ARMC2: variants seen among roughly 807,000 people sequenced by gnomAD.
ARMC2 encodes armadillo repeat-containing protein 2.
Under a neutral mutation model 90.3 loss-of-function variants are expected in ARMC2, and 67 were observed. That is an observed-to-expected ratio of 0.74 (90% CI 0.61 to 0.91). ARMC2 has a LOEUF of 0.91. Ranked by LOEUF, ARMC2 falls within the 40% of genes least tolerant of loss-of-function variation. ARMC2 has a pLI of 0.00. For synonymous variants in ARMC2, 393 were observed against 393.0 expected, an observed-to-expected ratio of 1.00 and a Z score of 0.00; for missense variants, 920 against 1,030.9, an observed-to-expected ratio of 0.89 and a Z score of 1.47.
intron 12 of ARMC2, among the ~76,000 whole-genome samples, chr6:108,948,438 A>G (rs1562419129): frequency 6.6e-6 from 1 of 152,002 alleles, no homozygotes; most frequent in Non-Finnish European, 1.5e-5. Context: ...GGGAGGGGAA[A>G]AAAAGAAAAG....
intron 13 of ARMC2, among the ~76,000 whole-genome samples, chr6:108,955,101 A>G (rs1777475464): frequency 6.6e-6 from 1 of 152,126 alleles, no homozygotes; most frequent in Non-Finnish European, 1.5e-5. Context: ...TTTAACCTTT[A>G]TCACTTCCCC....
At chr6:109,007,039 G>A in the ARMC2 span, among the ~76,000 whole-genome samples, 1 of 152,182 alleles carries the variant, frequency 6.6e-6, no homozygotes, top group Non-Finnish European at 1.5e-5. Flanking sequence ...CTCTGTGAAG[G>A]TGTGGCTGGA....
the ARMC2 span, among the ~76,000 whole-genome samples, chr6:109,013,160 T>C: frequency 6.6e-6 from 1 of 151,800 alleles, no homozygotes; most frequent in Non-Finnish European, 1.5e-5. Flanking sequence ...AGAATACGGA[T>C]TTCATTCTTA....
intron 8 of ARMC2, chr6:108,907,933 G>C: frequency 7.0e-7 from 1 of 1,423,972 alleles, no homozygotes; most frequent in Non-Finnish European, 9.7e-7. Context: ...TTTTCTGGGG[G>C]TTTTAAACAA....
At chr6:108,923,093 A>G (rs1774744023) in intron 10 of ARMC2, 1 of 152,172 alleles carries the variant, frequency 6.6e-6, no homozygotes, top group South Asian at 2.1e-4. Context: ...GATGGGGGAA[A>G]AGATAGGAAT....
the ARMC2 span, among the ~76,000 whole-genome samples, chr6:109,032,210 T>C: frequency 0.1 from 15,120 of 151,920 alleles, 914 homozygotes; most frequent in Middle Eastern, 0.21. Context: ...AGGCGGAGGT[T>C]GCGGTGAGCT....
intron 8 of ARMC2, among the ~76,000 whole-genome samples, 167 bp from the exon 9 acceptor site, chr6:108,910,732 C>T (rs935520665): frequency 1.3e-4 from 20 of 151,982 alleles, no homozygotes; most frequent in African/African-American, 4.6e-4. Context: ...AATTAGATAC[C>T]ACAATTGGCA....
At position 108,910,950 on chromosome 6, in the gene ARMC2, A is replaced by G; in HGVS notation, c.1075A>G (p.Ile359Val). ...LLNVCKLIFKISRNEKNDSLI... is the reference protein window; with the variant it reads ...LLNVCKLIFKVSRNEKNDSLI... ...TAATGTCTGCAAACTTATATTTAAA[A>G]TTAGCAGGAATGAGAAGAATGATTC... The change falls in exon 9 of 18, where the codon ATT (isoleucine) becomes GTT (valine). Residue 359 changes from isoleucine to valine, a missense_variant. Coordinates refer to ENST00000392644, the MANE Select transcript of ARMC2 (RefSeq NM_032131.6). The G allele has an allele frequency of 6.3e-7, 1 of 1,585,140 alleles. No individual in the cohort carries two copies. Among genetic ancestry groups the G allele is most frequent in the South Asian group, 1.2e-5 (1 of 83,938 alleles).
chr6:108,942,388 C>T (rs1776514890), intron 12 of ARMC2, among the ~76,000 whole-genome samples: 1 of 152,182 alleles, frequency 6.6e-6, no homozygotes. Flanking sequence ...TTCAGACCAG[C>T]ATGGCATCTT....
the ARMC2 span, among the ~76,000 whole-genome samples, chr6:109,046,391 G>A: frequency 6.6e-6 from 1 of 151,490 alleles, no homozygotes; most frequent in African/African-American, 2.4e-5. Flanking sequence ...AGTGCTCAAT[G>A]GTGCCCAGGC....
the ARMC2 span, among the ~76,000 whole-genome samples, chr6:109,029,470 T>C: frequency 6.6e-6 from 1 of 152,230 alleles, no homozygotes; most frequent in Admixed American, 6.5e-5. Context: ...GAATTTTAAA[T>C]GTTGCCACTT....
chr6:108,932,849 C>T (rs1684378537), intron 11 of ARMC2, among the ~76,000 whole-genome samples: 1 of 152,036 alleles, frequency 6.6e-6, no homozygotes, highest in Admixed American at 6.6e-5. Flanking sequence ...TTTTTGTCAG[C>T]TTTGTTGAAG....
At chr6:108,923,441 C>T (rs963851854) in intron 10 of ARMC2, among the ~76,000 whole-genome samples, 5 of 151,362 alleles carry the variant, frequency 3.3e-5, no homozygotes, top group Non-Finnish European at 7.4e-5. Flanking sequence ...GCACAGAACT[C>T]ATTGATAATT....
the ARMC2 span, among the ~76,000 whole-genome samples, chr6:108,993,403 A>AG: frequency 1.3e-5 from 2 of 152,126 alleles, no homozygotes; most frequent in African/African-American, 4.8e-5. Flanking sequence ...CATGTTTAGG[A>AG]GTTGATGAGA....
At chr6:108,993,334 A>C in the ARMC2 span, among the ~76,000 whole-genome samples, 1 of 152,220 alleles carries the variant, frequency 6.6e-6, no homozygotes, top group South Asian at 2.1e-4. Flanking sequence ...AAGAAATCCC[A>C]TGGGTTAACA....
chr6:109,013,445 T>G, the ARMC2 span, among the ~76,000 whole-genome samples: 210 of 152,130 alleles, frequency 1.4e-3, 1 homozygote, highest in Non-Finnish European at 9.4e-4. Flanking sequence ...TTTTGAAATT[T>G]AGGAGATAAA....
chr6:108,928,096 T>C lies in ARMC2; in HGVS notation c.1359T>C (p.Ala453=), dbSNP rs773370493. The change falls in exon 11 of 18, where the codon GCT becomes GCC. Residue 453 remains alanine, a synonymous_variant. Transcript: ENST00000392644. Reference sequence around the variant, plus strand: ...GCATGCTTTTATCCTAGGTGACTGCTACATTGAGAAACTTGGTTGATTCAT... The same window carrying C: ...GCATGCTTTTATCCTAGGTGACTGCCACATTGAGAAACTTGGTTGATTCAT... ...NSGHLLVQVT[A]TLRNLVDSSL... The C allele has an allele frequency of 5.6e-6, 9 of 1,603,618 alleles. No individual in the cohort carries two copies. Among genetic ancestry groups the C allele is most frequent in the Middle Eastern group, 1.7e-4 (1 of 5,998 alleles).
chr6:108,924,492 GA>G (rs931708248), intron 10 of ARMC2, among the ~76,000 whole-genome samples: 8 of 64,662 alleles, frequency 1.2e-4, no homozygotes, highest in Admixed American at 3.4e-4. Context: ...TCTCGAAAAA[GA>G]AAAAAGAAAA....
the ARMC2 span, chr6:108,998,516 A>C: frequency 6.2e-7 from 1 of 1,613,734 alleles, no homozygotes; most frequent in African/African-American, 1.3e-5. Flanking sequence ...TACTTACAGA[A>C]ACATTTTCTG....
Sources: gnomAD v4.1 joint callset for allele counts (sites outside exome capture counted in the v4.1 genomes callset) on GRCh38, gnomAD v4.1.1 for gene constraint, MANE v1.5 for transcripts, NCBI Gene and HGNC (gene_info 2026-07-23, HGNC 2026-07-21) for gene names.